Variants in PRICKLE1 observed in about 807,000 individuals in gnomAD.
PRICKLE1 encodes the protein prickle-like protein 1.
A neutral mutation model predicts 70.2 loss-of-function variants in PRICKLE1; 14 were observed. The ratio of observed to expected loss-of-function variants is 0.20; its 90% confidence interval spans 0.13 to 0.31. The LOEUF (loss-of-function observed/expected upper bound fraction) is 0.31, where lower values mean the gene tolerates loss of function less well. Ranked by LOEUF, PRICKLE1 falls within the 10% of genes least tolerant of loss-of-function variation. The pLI, the probability that PRICKLE1 is intolerant of heterozygous loss-of-function variation, is 1.00. For synonymous variants in PRICKLE1, 357 were observed against 379.9 expected (o/e 0.94, Z 0.70); for missense variants, 821 against 1,026.2 (o/e 0.80, Z 2.73).
At chr12:42,492,128 G>T (rs1352607286) in intron 1 of PRICKLE1, among the ~76,000 whole-genome samples, 3 of 151,824 alleles carry the variant, frequency 2.0e-5, no homozygotes, top group Non-Finnish European at 4.4e-5. Context: ...CAGAGACAGG[G>T]TCTTGCTCTG....
chr12:42,492,034 T>C (rs1939115671), intron 1 of PRICKLE1, among the ~76,000 whole-genome samples: 2 of 151,964 alleles, frequency 1.3e-5, no homozygotes, highest in African/African-American at 4.8e-5. Flanking sequence ...CCTGCCTGTC[T>C]CGGCCTCCCA....
intron 1 of PRICKLE1, among the ~76,000 whole-genome samples, chr12:42,523,616 G>A (rs1384953871): frequency 2.0e-5 from 3 of 152,168 alleles, no homozygotes; most frequent in African/African-American, 7.2e-5. Context: ...CTTAACAGAT[G>A]CACAGTTACA....
chr12:42,537,709 T>C (rs1337934021), intron 1 of PRICKLE1, among the ~76,000 whole-genome samples: 2 of 152,230 alleles, frequency 1.3e-5, no homozygotes, highest in East Asian at 3.8e-4. Context: ...ATGTGCTGAT[T>C]AGCAAACTAC....
chr12:42,465,112 G>A lies in PRICKLE1; in HGVS notation c.922C>T (p.Leu308Phe), dbSNP rs1391694451. 1 of 1,570,996 alleles carries A rather than the reference G, an allele frequency of 6.4e-7. No individual in the cohort carries two copies. Among genetic ancestry groups the A allele is most frequent in the Admixed American group, 1.9e-5 (1 of 52,184 alleles). ...GQIYCSKTCS[L>F]GEDVHASDSS... ...TCAGAGGCATGGACGTCTTCACCAA[G>A]ACTGCACGTTTTTGAGCAGTAAATC... Residue 308 changes from leucine (L) to phenylalanine (F), a missense_variant, in exon 7 of 8, where the codon CTT (leucine) becomes TTT (phenylalanine). Transcript: ENST00000345127.
At chr12:42,529,935 TC>T (rs1340004922) in intron 1 of PRICKLE1, among the ~76,000 whole-genome samples, 1 of 47,002 alleles carries the variant, frequency 2.1e-5, no homozygotes, top group African/African-American at 5.0e-5. Context: ...TTTCCTTCCT[TC>T]CTTTCTTCCT....
intron 1 of PRICKLE1, among the ~76,000 whole-genome samples, chr12:42,517,127 T>A (rs1463661920): frequency 1.3e-5 from 2 of 152,218 alleles, no homozygotes; most frequent in Non-Finnish European, 2.9e-5. Context: ...AGGATCTGCC[T>A]CTTTGAGTCT....
rs779314205 is a variant in PRICKLE1, at chr12:42,460,279, G to A, written c.2026C>T (p.Arg676Trp). ...TCGGAGCGGGACTTTCTACTTCTCC[G>A]GCGGCGGTGGTGATGAGACCTGGAT... ...RGSRSHHHRR[R>W]RSRKSRSDNA... The change falls in exon 8 of 8, where the codon CGG becomes TGG. Residue 676 changes from arginine (R) to tryptophan (W), a missense_variant. Physicochemically the swap from Arg to Trp is moderately radical, Grantham distance 101. Coordinates refer to ENST00000345127, the MANE Select transcript of PRICKLE1 (RefSeq NM_153026.3). 5.6e-6 allele frequency: 9 copies of A among 1,614,120 alleles called. No homozygotes were observed. Among genetic ancestry groups the A allele is most frequent in the Non-Finnish European group, 7.6e-6 (9 of 1,180,026 alleles).
At chr12:42,485,239 G>GTTTTT (rs556218718) in intron 1 of PRICKLE1, 22 of 100,816 alleles carry the variant, frequency 2.2e-4, no homozygotes, top group South Asian at 3.8e-4. Flanking sequence ...CAGCTGAGAA[G>GTTTTT]TTTTTTTTTT....
chr12:42,466,048 C>T (rs981878454), intron 6 of PRICKLE1, 146 bp downstream of exon 6: 2 of 865,986 alleles, frequency 2.3e-6, no homozygotes, highest in Non-Finnish European at 3.7e-6. Context: ...CAAAGCTCAT[C>T]AGCTGGAACA....
intron 1 of PRICKLE1, among the ~76,000 whole-genome samples, chr12:42,474,682 T>A (rs1566088953): frequency 6.6e-6 from 1 of 152,178 alleles, no homozygotes. Context: ...CACTCCCACA[T>A]GTCAAAGGAA....
chr12:42,502,721 C>T (rs371400343), intron 1 of PRICKLE1, among the ~76,000 whole-genome samples: 4 of 152,112 alleles, frequency 2.6e-5, no homozygotes, highest in Non-Finnish European at 4.4e-5. Flanking sequence ...GGGAAAGGGC[C>T]GAGTCTTAGA....
At chr12:42,473,674 C>T (rs1193756797) in intron 1 of PRICKLE1, among the ~76,000 whole-genome samples, 1 of 152,044 alleles carries the variant, frequency 6.6e-6, no homozygotes, top group East Asian at 1.9e-4. Flanking sequence ...TATCCCGACC[C>T]AATGATTTTA....
At chr12:42,497,067 C>T (rs1939214524) in intron 1 of PRICKLE1, among the ~76,000 whole-genome samples, 1 of 152,180 alleles carries the variant, frequency 6.6e-6, no homozygotes. Flanking sequence ...TAAGCTTAAT[C>T]ATTTCTAGCT....
intron 1 of PRICKLE1, among the ~76,000 whole-genome samples, chr12:42,564,747 T>C (rs1940593992): frequency 6.6e-6 from 1 of 152,250 alleles, no homozygotes; most frequent in African/African-American, 2.4e-5. Flanking sequence ...GTTATTATTA[T>C]TTTTTGGGGT....
At chr12:42,508,898 A>G (rs1432219858) in intron 1 of PRICKLE1, among the ~76,000 whole-genome samples, 1 of 152,180 alleles carries the variant, frequency 6.6e-6, no homozygotes, top group Non-Finnish European at 1.5e-5. Flanking sequence ...GATGATCTCT[A>G]AGTTCTTTTG....
chr12:42,564,766 G>T (rs973862254), intron 1 of PRICKLE1, among the ~76,000 whole-genome samples: 8 of 152,172 alleles, frequency 5.3e-5, no homozygotes, highest in Non-Finnish European at 8.8e-5. Flanking sequence ...GTCAATCTCA[G>T]AATTATTTGG....
chr12:42,501,568 C>T (rs1223549477), intron 1 of PRICKLE1, among the ~76,000 whole-genome samples: 2 of 140,184 alleles, frequency 1.4e-5, no homozygotes, highest in South Asian at 2.4e-4. Context: ...ATACAAGCAA[C>T]ATTTATGATC....
chr12:42,585,813 G>A (rs955547787), intron 1 of PRICKLE1, among the ~76,000 whole-genome samples: 1 of 152,128 alleles, frequency 6.6e-6, no homozygotes, highest in African/African-American at 2.4e-5. Context: ...ATAAACAAGG[G>A]GATGTGATTA....
intron 1 of PRICKLE1, among the ~76,000 whole-genome samples, chr12:42,542,739 A>G (rs956650826): frequency 3.3e-5 from 5 of 152,200 alleles, no homozygotes; most frequent in African/African-American, 4.8e-5. Context: ...AGGATCCAAT[A>G]AGGTTGTATT....
Sources: allele counts gnomAD v4.1 joint callset (sites outside exome capture counted in the v4.1 genomes callset), GRCh38; gene constraint gnomAD v4.1.1; transcripts MANE v1.5; gene names NCBI Gene and HGNC (gene_info 2026-07-23, HGNC 2026-07-21).